EBF4: variants seen among roughly 807,000 people sequenced by gnomAD.
EBF4 encodes EBF transcription factor 4.
Under a neutral mutation model 67.1 loss-of-function variants are expected in EBF4, and 34 were observed. That is an observed-to-expected ratio of 0.51 (90% confidence interval 0.39 to 0.67). The LOEUF (loss-of-function observed/expected upper bound fraction) is 0.67. Among genes scored for constraint, EBF4 ranks in the 30% least tolerant of loss-of-function variants. The pLI, the probability that EBF4 is intolerant of heterozygous loss-of-function variation, is 0.00. For synonymous variants in EBF4, 387 were observed against 377.7 expected, an observed-to-expected ratio of 1.02 and a Z score of -0.29; for missense variants, 837 against 873.3, an observed-to-expected ratio of 0.96 and a Z score of 0.52.
chr20:2,743,231 T>G (rs1217104984), intron 6 of EBF4, among the ~76,000 whole-genome samples: 1 of 152,184 alleles, frequency 6.6e-6, no homozygotes, highest in East Asian at 1.9e-4. Flanking sequence ...GTTCTCACGT[T>G]CGCCCTTCCA....
At chr20:2,695,648 T>C (rs2146357051) in intron 1 of EBF4, among the ~76,000 whole-genome samples, 1 of 152,290 alleles carries the variant, frequency 6.6e-6, no homozygotes, top group South Asian at 2.1e-4. Flanking sequence ...TGCCTCATCC[T>C]TCCTCCCCAC....
At position 2,756,386 on chromosome 20, in the gene EBF4, C is replaced by T. The variant is rs976572068; in HGVS notation, c.1738+562C>T. ...CTCACTTTACCCATGTGCAGCAGAA[C>T]CTTTGAACCAGCAGAGCCTTTCCTA... On this transcript the variant is annotated intron_variant, in intron 15 of 16. Coordinates refer to ENST00000609451, the Ensembl canonical transcript of EBF4. This position sits in a 1 kb window ranked among gnomAD's most constrained non-coding sequence, Gnocchi z 4.5. 1.3e-5 allele frequency among the ~76,000 whole-genome samples: 2 copies of T among 152,216 alleles called. No individual in the cohort carries two copies. Among genetic ancestry groups the T allele is most frequent in the African/African-American group, 4.8e-5 (2 of 41,454 alleles).
rs2088248625 is a variant in EBF4 at position 2,756,668 on chromosome 20, G to T, written c.1738+844G>T. Among the ~76,000 whole-genome samples the T allele has an allele frequency of 6.6e-6, 1 of 152,222 alleles. No individual in the cohort carries two copies. The highest frequency in any genetic ancestry group is 2.4e-5 in the African/African-American group (1 of 41,430). On this transcript the variant is annotated intron_variant, in intron 15 of 16. Transcript: ENST00000609451. This position sits in a 1 kb window ranked among gnomAD's most constrained non-coding sequence, Gnocchi z 4.5. ...TAGTCAAATTATTGAATGAATATATGAGTCAGAAGGGCACCGTTCACACCC... is the reference window on the plus strand; with the variant it reads ...TAGTCAAATTATTGAATGAATATATTAGTCAGAAGGGCACCGTTCACACCC...
At chr20:2,732,310 C>T (rs966583720) in intron 6 of EBF4, among the ~76,000 whole-genome samples, 15 of 152,034 alleles carry the variant, frequency 9.9e-5, no homozygotes, top group Non-Finnish European at 1.6e-4. Context: ...TTAGTTGAGA[C>T]GGGGTTTCAC....
intron 1 of EBF4, among the ~76,000 whole-genome samples, chr20:2,703,490 T>G (rs2087406254): frequency 6.6e-6 from 1 of 151,678 alleles, no homozygotes; most frequent in African/African-American, 2.4e-5. Context: ...TCACAGCACT[T>G]TGGGAGTCCA....
intron 6 of EBF4, among the ~76,000 whole-genome samples, chr20:2,729,767 A>C (rs753984808): frequency 9.9e-5 from 15 of 152,180 alleles, no homozygotes; most frequent in Non-Finnish European, 1.6e-4. Flanking sequence ...TTACACAAAG[A>C]GTAGTAAGTA....
chr20:2,759,122 C>T, intron 16 of EBF4, 138 bp downstream of exon 16: 1 of 826,812 alleles, frequency 1.2e-6, no homozygotes, highest in Middle Eastern at 3.7e-4. Context: ...CCAAGTCTTC[C>T]TCCCCGGGGC....
chr20:2,699,373 G>A (rs368675502), intron 1 of EBF4, among the ~76,000 whole-genome samples: 1 of 152,206 alleles, frequency 6.6e-6, no homozygotes. Flanking sequence ...TGACCAAAAT[G>A]CATCTGTGCA....
In EBF4 at chr20:2,755,751, C is replaced by T. The variant is rs753038228; in HGVS notation, c.1665C>T (p.Ala555=). The change falls in exon 15 of 17, where the codon GCC becomes GCT. Residue 555 remains alanine (A), a synonymous_variant. Coordinates refer to ENST00000609451, the Ensembl canonical transcript of EBF4. This position sits in a 1 kb window ranked among gnomAD's most constrained non-coding sequence, Gnocchi z 4.7. ...TCTCCGCCGTCAAACAGAGGAGCGC[C>T]TTCGCCCCCGTGCTGCGCCCCCCAA... The T allele has an allele frequency of 5.4e-5, 83 of 1,550,820 alleles. No individual in the cohort carries two copies. Among genetic ancestry groups the T allele is most frequent in the Non-Finnish European group, 6.5e-5 (75 of 1,146,932 alleles).
chr20:2,740,062 C>G (rs527825347), intron 6 of EBF4, among the ~76,000 whole-genome samples: 26 of 152,374 alleles, frequency 1.7e-4, no homozygotes, highest in African/African-American at 6.0e-4. Context: ...CCTGTAATTC[C>G]AGCACTTTGG....
At chr20:2,743,537 T>G (rs2087999109) in intron 6 of EBF4, among the ~76,000 whole-genome samples, 2 of 152,046 alleles carry the variant, frequency 1.3e-5, no homozygotes, top group African/African-American at 2.4e-5. Flanking sequence ...ACCAATGGGA[T>G]GACAAAGCTG....
At chr20:2,709,616 G>T (rs570961197) in exon 6 of EBF4, 1 of 1,555,896 alleles carries the variant, frequency 6.4e-7, no homozygotes, top group Non-Finnish European at 8.7e-7. Flanking sequence ...GGAATGAGAC[G>T]CCCTCAGACC....
chr20:2,754,979 C>CGCCCCG (rs1555789843), intron 14 of EBF4: 2 of 123,930 alleles, frequency 1.6e-5, no homozygotes, highest in Admixed American at 8.1e-5. Flanking sequence ...CACCCCCCCC[C>CGCCCCG]ACAGGGCCCA....
intron 15 of EBF4, among the ~76,000 whole-genome samples, chr20:2,757,781 T>TA (rs1280948929): frequency 2.0e-5 from 3 of 151,816 alleles, no homozygotes; most frequent in Admixed American, 6.6e-5. Flanking sequence ...ACCTCGTCTC[T>TA]AAAAAAAATA....
At position 2,697,373 on chromosome 20, in the gene EBF4, G is replaced by A. The variant is rs528711594; in HGVS notation, c.137+3591G>A. 3.8e-4 allele frequency among the ~76,000 whole-genome samples: 58 copies of A among 151,982 alleles called. 1 individual carries two copies. In the South Asian group the frequency reaches 9.5e-3, roughly 25 times the overall value. On this transcript the variant is annotated intron_variant, in intron 1 of 16. Transcript: ENST00000609451. ...ATCCTGGCTAACACGGTGAAACCCCGTCTCTACTAAAAATACAAAAAATTA... is the reference window on the plus strand; with the variant it reads ...ATCCTGGCTAACACGGTGAAACCCCATCTCTACTAAAAATACAAAAAATTA...
intron 14 of EBF4, among the ~76,000 whole-genome samples, chr20:2,752,958 G>A (rs1600246027): frequency 6.6e-6 from 1 of 152,308 alleles, no homozygotes; most frequent in East Asian, 1.9e-4. Flanking sequence ...GGAAACTCAG[G>A]GCTCGAGGGA....
intron 6 of EBF4, among the ~76,000 whole-genome samples, chr20:2,742,271 G>A (rs1426024610): frequency 6.6e-6 from 1 of 152,194 alleles, no homozygotes; most frequent in Non-Finnish European, 1.5e-5. Flanking sequence ...AGTGGGAATG[G>A]TTGCAGACCG....
chr20:2,713,126 C>T (rs1033374514), intron 6 of EBF4, among the ~76,000 whole-genome samples: 3 of 152,130 alleles, frequency 2.0e-5, no homozygotes, highest in African/African-American at 7.2e-5. Flanking sequence ...ATACAGCTTG[C>T]TCATATGCTG....
Position 2,693,673 on chromosome 20 carries a change from C to A in EBF4, c.28C>A (p.Arg10Ser). 2.1e-6 allele frequency: 3 copies of A among 1,444,794 alleles called. No individual in the cohort carries two copies. The highest frequency in any genetic ancestry group is 2.7e-6 in the Non-Finnish European group (3 of 1,105,236). 89.5% of individuals were successfully genotyped at this position (1,444,794 alleles called of 1,614,324 possible). A position where few individuals can be genotyped will look rare whatever the true frequency, so the allele number is the denominator to read the frequency against. The change falls in exon 1 of 17, where the codon CGC becomes AGC. Residue 10 changes from arginine (R) to serine (S), a missense_variant. Around this residue, in one of 3 missense-constraint regions of EBF4, gnomAD observed 86 missense variants for 70.3 expected, o/e 1.22. Coordinates refer to ENST00000609451, the Ensembl canonical transcript of EBF4. This position sits in a 1 kb window ranked among gnomAD's most constrained non-coding sequence, Gnocchi z 4.6. Reference sequence around the variant, plus strand: ...GTTCCCTGCGCAGGACGCTCTGCCCCGCAGCGGGCTGAACCTGAAGGAGGA... The same window carrying A: ...GTTCCCTGCGCAGGACGCTCTGCCCAGCAGCGGGCTGAACCTGAAGGAGGA...
Sources: gnomAD v4.1 joint callset for allele counts (sites outside exome capture counted in the v4.1 genomes callset) on GRCh38, gnomAD v4.1.1 for gene constraint, gnomAD v4.1.1 regional missense constraint, Gnocchi (gnomAD v3.1) non-coding constraint, MANE v1.5 for transcripts, NCBI Gene and HGNC (gene_info 2026-07-23, HGNC 2026-07-21) for gene names.